Variants in FANCM observed in about 807,000 individuals in gnomAD.
FANCM encodes the protein FA complementation group M.
FANCM carries 140 observed loss-of-function variants against 199.5 expected under a neutral mutation model. The ratio of observed to expected loss-of-function variants is 0.70; its 90% CI spans 0.61 to 0.81. The LOEUF (loss-of-function observed/expected upper bound fraction) is 0.81. Among genes scored for constraint, FANCM ranks in the 30% least tolerant of loss-of-function variants. The probability of loss-of-function intolerance (pLI) is 0.00; values close to 1 mark genes in which losing one functional copy is unlikely to be tolerated. For missense variants in FANCM, 2,410 were observed against 2,421.4 expected (o/e 1.00, Z 0.10); for synonymous variants, 840 against 836.8 (o/e 1.00, Z -0.07).
intron 2 of FANCM, among the ~76,000 whole-genome samples, chr14:45,139,900 A>G (rs1247408823): frequency 6.6e-6 from 1 of 152,100 alleles, no homozygotes. Context: ...CAGGAGGATC[A>G]CTTGAGCCCC....
intron 14 of FANCM, among the ~76,000 whole-genome samples, chr14:45,179,025 C>G (rs1041714486): frequency 6.6e-6 from 1 of 151,924 alleles, no homozygotes; most frequent in Non-Finnish European, 1.5e-5. Flanking sequence ...ATGATGAAAC[C>G]CCGTCTCTAC....
intron 14 of FANCM, 127 bp downstream of exon 14, chr14:45,177,103 ATG>A (rs1186058439): frequency 3.1e-6 from 2 of 638,512 alleles, no homozygotes; most frequent in East Asian, 2.8e-5. Context: ...TAGATAATTG[ATG>A]TGTTATATTT....
At chr14:45,172,315 A>G (rs1195063516) in intron 12 of FANCM, among the ~76,000 whole-genome samples, 1 of 152,182 alleles carries the variant, frequency 6.6e-6, no homozygotes, top group African/African-American at 2.4e-5. Context: ...GTTCTTGGTC[A>G]TGAACTCTTT....
intron 3 of FANCM, among the ~76,000 whole-genome samples, chr14:45,142,066 T>C (rs1296546271): frequency 6.6e-6 from 1 of 152,092 alleles, no homozygotes. Flanking sequence ...ATTGCAAAAA[T>C]AGAAGTCTTC....
At chr14:45,158,800 A>C (rs1216895812) in intron 8 of FANCM, among the ~76,000 whole-genome samples, 1 of 152,158 alleles carries the variant, frequency 6.6e-6, no homozygotes, top group African/African-American at 2.4e-5. Flanking sequence ...TATAGTTTAA[A>C]AAATTTCAAG....
chr14:45,189,468 T>A, intron 20 of FANCM, 106 bp downstream of exon 20: 2 of 908,758 alleles, frequency 2.2e-6, no homozygotes, highest in Non-Finnish European at 1.7e-6. Flanking sequence ...AAAGAAAAAT[T>A]AACAAAAAAA....
chr14:45,176,540 G>T lies in FANCM; in HGVS notation c.3786G>T (p.Arg1262Ser). The T allele has an allele frequency of 6.2e-7, 1 of 1,600,716 alleles. No homozygotes were observed. Among genetic ancestry groups the T allele is most frequent in the Non-Finnish European group, 8.5e-7 (1 of 1,173,268 alleles). ...GACCTCTAGATGATCTATATGGAAG[G>T]TATTTGGAAATTAAGGAGATAAGTG... ...SNRPLDDLYGRYLEIKEISDA... is the reference protein window; with the variant it reads ...SNRPLDDLYGSYLEIKEISDA... The change falls in exon 14 of 23, where the codon AGG becomes AGT. Residue 1262 changes from arginine to serine, a missense_variant. Arg to Ser is a moderately radical substitution (Grantham distance 110). Transcript: ENST00000267430.
intron 3 of FANCM, among the ~76,000 whole-genome samples, chr14:45,141,260 C>G (rs1885909440): frequency 6.9e-6 from 1 of 145,370 alleles, no homozygotes; most frequent in Admixed American, 7.0e-5. Flanking sequence ...TGCACTCCAG[C>G]CTGGGCGACA....
intron 8 of FANCM, among the ~76,000 whole-genome samples, chr14:45,156,930 A>G (rs895456268): frequency 1.3e-4 from 20 of 151,510 alleles, no homozygotes; most frequent in Admixed American, 1.2e-3. Context: ...AAAAAAAAAA[A>G]AAAAAAAAGG....
chr14:45,152,203 A>AT (rs35015768), intron 5 of FANCM, among the ~76,000 whole-genome samples: 3 of 151,526 alleles, frequency 2.0e-5, no homozygotes, highest in African/African-American at 7.3e-5. Flanking sequence ...TAATTTTTGT[A>AT]TTTTTTAGTA....
Position 45,189,065 on chromosome 14 carries a change from T to C in FANCM, c.5043T>C (p.Asn1681=), listed in dbSNP as rs1023832723. 6.2e-7 allele frequency: 1 copy of C among 1,614,006 alleles called. No individual in the cohort carries two copies. The highest frequency in any genetic ancestry group is 8.5e-7 in the Non-Finnish European group (1 of 1,179,972). The stretch of plus-strand genomic sequence containing the variant: ...CAAGTGAGGAGGAGAACAATGTAAA[T>C]GATAAAAGAGAATCTAATATTGCGG... ...DDSSEEENNV[N]DKRESNIAVN... The change falls in exon 20 of 23, where the codon AAT becomes AAC. Residue 1681 remains asparagine, a synonymous_variant. Transcript: ENST00000267430.
chr14:45,159,343 T>C (rs1887421052), intron 9 of FANCM, 63 bp downstream of exon 9: 1 of 1,274,758 alleles, frequency 7.8e-7, no homozygotes, highest in Admixed American at 2.0e-5. Context: ...CTTGTTCTTT[T>C]TTTGTTAGTT....
chr14:45,175,430 A>C lies in FANCM; in HGVS notation c.2676A>C (p.Glu892Asp). 1 of 1,587,088 alleles carries C rather than the reference A, an allele frequency of 6.3e-7. No individual in the cohort carries two copies. The highest frequency in any genetic ancestry group is 1.2e-5 in the South Asian group (1 of 85,782). ...CCACTGTTGAAAATATTTTTCAAGA[A>C]GACCTACCAAATGATAAAAGGACAT... Reference protein sequence around the residue: ...RNSTVENIFQEDLPNDKRTSD... With the variant: ...RNSTVENIFQDDLPNDKRTSD... Residue 892 changes from glutamate (E) to aspartate (D), a missense_variant, in exon 14 of 23, where the codon GAA (glutamate) becomes GAC (aspartate). Coordinates refer to ENST00000267430, the MANE Select transcript of FANCM (RefSeq NM_020937.4).
At chr14:45,150,800 T>C (rs1886764899) in intron 4 of FANCM, among the ~76,000 whole-genome samples, 1 of 152,250 alleles carries the variant, frequency 6.6e-6, no homozygotes, top group Non-Finnish European at 1.5e-5. Flanking sequence ...TGTTCGCTTC[T>C]TTATTCTTCG....
intron 19 of FANCM, among the ~76,000 whole-genome samples, 179 bp downstream of exon 19, chr14:45,188,066 C>T (rs768892613): frequency 3.2e-4 from 49 of 152,224 alleles, no homozygotes; most frequent in Non-Finnish European, 5.6e-4. Context: ...TGGCCATGTG[C>T]GGTGGCTCAC....
chr14:45,192,415 G>A (rs1889818384), intron 20 of FANCM, among the ~76,000 whole-genome samples: 1 of 152,232 alleles, frequency 6.6e-6, no homozygotes, highest in Non-Finnish European at 1.5e-5. Context: ...GCCGAGGCAG[G>A]TGGATCACTT....
Position 45,200,685 on chromosome 14 carries a change from GC to G in FANCM, c.*678del, listed in dbSNP as rs1312825015. On this transcript the variant is annotated 3_prime_UTR_variant, in exon 23 of 23. Coordinates refer to ENST00000267430, the MANE Select transcript of FANCM (RefSeq NM_020937.4). ...CCTGGAACGTGATTAGCTCATGGGG[GC>G]GGTTCCCCCATGCTGTTCTAGTGAT... 2 of 152,310 alleles carry G rather than the reference GC, an allele frequency of 1.3e-5. No individual in the cohort carries two copies. Among genetic ancestry groups the G allele is most frequent in the Non-Finnish European group, 2.9e-5 (2 of 68,050 alleles). 9.4% of individuals were successfully genotyped at this position (152,310 alleles called of 1,614,324 possible). A position where few individuals can be genotyped will look rare whatever the true frequency, so the allele number is the denominator to read the frequency against.
chr14:45,179,678 C>T (rs763545322), intron 14 of FANCM, among the ~76,000 whole-genome samples: 2 of 151,138 alleles, frequency 1.3e-5, no homozygotes, highest in African/African-American at 4.9e-5. Context: ...TCTCCTGCCT[C>T]AGCCTCTCAA....
intron 11 of FANCM, among the ~76,000 whole-genome samples, chr14:45,167,977 A>G (rs1006247073): frequency 5.3e-5 from 8 of 151,798 alleles, no homozygotes; most frequent in African/African-American, 1.9e-4. Flanking sequence ...ATAGTAGAAG[A>G]CTCTTACGCT....
Sources: allele counts gnomAD v4.1 joint callset (sites outside exome capture counted in the v4.1 genomes callset), GRCh38; gene constraint gnomAD v4.1.1; transcripts MANE v1.5; gene names NCBI Gene and HGNC (gene_info 2026-07-23, HGNC 2026-07-21).